SLC5A6: variants seen among roughly 807,000 people sequenced by gnomAD.
SLC5A6 encodes the protein solute carrier family 5 member 6, also known as sodium-dependent multivitamin transporter.
In SLC5A6, 31 loss-of-function variants were observed where a neutral mutation model predicts 67.9. The observed-to-expected ratio is 0.46, with a 90% CI of 0.34 to 0.62. The LOEUF (loss-of-function observed/expected upper bound fraction) is 0.62, where lower values mean the gene tolerates loss of function less well. SLC5A6 is among the 20% of genes least tolerant of loss of function. SLC5A6 has a pLI of 0.01. For missense variants in SLC5A6, 673 were observed against 812.8 expected (o/e 0.83, Z 2.09); for synonymous variants, 343 against 331.0 (o/e 1.04, Z -0.39).
chr2:27,202,176 T>C (rs1179136061), intron 12 of SLC5A6, 102 bp from the exon 13 acceptor site: 2 of 815,356 alleles, frequency 2.5e-6, no homozygotes, highest in African/African-American at 1.7e-5. Flanking sequence ...GGAGCCCCAC[T>C]TGTCAGATCT....
upstream of SLC5A6, chr2:27,212,385 CG>C: frequency 6.4e-7 from 1 of 1,550,684 alleles, no homozygotes; most frequent in Non-Finnish European, 8.7e-7. Context: ...CCTCACGACC[CG>C]GGTAGTCTTA....
At position 27,207,979 on chromosome 2, in the gene SLC5A6, G is replaced by C. The variant is rs145891672; in HGVS notation, c.-140-189C>G. ...AGAAGCATCAGAGTGCGACAGCCAG[G>C]AGACAATATAACTTGGCCAGGACCT... On this transcript the variant is annotated intron_variant, in intron 2 of 16. Coordinates refer to ENST00000310574, the MANE Select transcript of SLC5A6 (RefSeq NM_021095.4). This position sits in a 1 kb window ranked among gnomAD's most constrained non-coding sequence, Gnocchi z 5.5. Among the ~76,000 whole-genome samples the C allele has an allele frequency of 2.6e-5, 4 of 152,316 alleles. No individual in the cohort carries two copies. The highest frequency in any genetic ancestry group is 3.4e-3 in the Middle Eastern group (1 of 294).
Position 27,207,213 on chromosome 2 carries a change from C to A in SLC5A6, c.393+45G>T, listed in dbSNP as rs779016865. 2 of 1,597,556 alleles carry A rather than the reference C, an allele frequency of 1.3e-6. No individual in the cohort carries two copies. The highest frequency in any genetic ancestry group is 1.3e-5 in the African/African-American group (1 of 74,856). On this transcript the variant is annotated intron_variant, in intron 3 of 16. Transcript: ENST00000310574. This position sits in a 1 kb window ranked among gnomAD's most constrained non-coding sequence, Gnocchi z 5.5. ...CCTATGTGCCTGTCCCTCCTCTCCA[C>A]CCCAACCCGTGTCCCACGCACTTCT...
chr2:27,212,516 C>G (rs376508461), upstream of SLC5A6: 2 of 1,511,742 alleles, frequency 1.3e-6, no homozygotes, highest in Admixed American at 2.4e-5. Flanking sequence ...GCTGGCCAGC[C>G]GTGCGTCGCG....
chr2:27,202,815 G>C lies in SLC5A6; in HGVS notation c.1273C>G (p.Gln425Glu). Residue 425 changes from glutamine (Q) to glutamate (E), a missense_variant and splice_region_variant, in exon 12 of 17, where the codon CAG (glutamine) becomes GAG (glutamate). Transcript: ENST00000310574. ...YISSQMGPVL[Q>E]AAISIFGMVG... ...TTCCTACCCTCTATAGTTATTACCT[G>C]CAGCACAGGTCCCATCTGGGAGGAA... The C allele has an allele frequency of 6.2e-7, 1 of 1,613,052 alleles. No individual in the cohort carries two copies. Among genetic ancestry groups the C allele is most frequent in the Non-Finnish European group, 8.5e-7 (1 of 1,179,204 alleles).
In SLC5A6 at chr2:27,207,809, T is replaced by C. The variant is rs1400431876; in HGVS notation, c.-140-19A>G. On this transcript the variant is annotated intron_variant, in intron 2 of 16. Transcript: ENST00000310574. This position sits in a 1 kb window ranked among gnomAD's most constrained non-coding sequence, Gnocchi z 5.5. Reference sequence around the variant, plus strand: ...GGGTGAGCTGCAAAGGAATTAGCTCTTAGTGAGGCCTATCTGGCCTTGGTA... The same window carrying C: ...GGGTGAGCTGCAAAGGAATTAGCTCCTAGTGAGGCCTATCTGGCCTTGGTA... 1.6e-5 allele frequency: 11 copies of C among 679,226 alleles called. No individual in the cohort carries two copies. The highest frequency in any genetic ancestry group is 2.5e-5 in the Non-Finnish European group (10 of 407,150). 42.1% of individuals were successfully genotyped at this position (679,226 alleles called of 1,614,324 possible).
In SLC5A6 at chr2:27,206,477, C is replaced by T. The variant is rs1179657219; in HGVS notation, c.511+6G>A. ...GCTGAAAGCCAGGGGCTGTGTGACT[C>T]CTCACCTGCATTGAGAGCCAATGAC... On this transcript the variant is annotated splice_donor_region_variant and intron_variant, in intron 5 of 16. Coordinates refer to ENST00000310574, the MANE Select transcript of SLC5A6 (RefSeq NM_021095.4). 1.9e-6 allele frequency: 3 copies of T among 1,613,968 alleles called. No homozygotes were observed. The highest frequency in any genetic ancestry group is 1.7e-5 in the Admixed American group (1 of 60,034).
At chr2:27,210,438 C>CT (rs1192063285) in intron 2 of SLC5A6, among the ~76,000 whole-genome samples, 54 of 148,558 alleles carry the variant, frequency 3.6e-4, no homozygotes, top group Admixed American at 2.2e-3. Flanking sequence ...ACCCCCCCCC[C>CT]TTTTTTTTTG....
chr2:27,201,891 A>G, intron 13 of SLC5A6, 44 bp from the exon 14 acceptor site: 1 of 1,610,914 alleles, frequency 6.2e-7, no homozygotes. Context: ...CAGTCCTGCC[A>G]GCCCTCACGG....
rs1318796588 is a variant in SLC5A6 at position 27,212,267 on chromosome 2, C to T, written c.-455G>A. The T allele has an allele frequency of 1.3e-6, 2 of 1,557,048 alleles. No homozygotes were observed. The highest frequency in any genetic ancestry group is 1.7e-6 in the Non-Finnish European group (2 of 1,150,774). ...CCCAAGCAGCCCCAGGGCGACTGGA[C>T]CGGGCCGCTTAGGCCACGCCCGGGG... On this transcript the variant is annotated 5_prime_UTR_variant, in exon 1 of 17. Coordinates refer to ENST00000310574, the MANE Select transcript of SLC5A6 (RefSeq NM_021095.4).
chr2:27,202,755 T>C, intron 12 of SLC5A6, 58 bp downstream of exon 12: 1 of 1,463,134 alleles, frequency 6.8e-7, no homozygotes, highest in Non-Finnish European at 9.6e-7. Context: ...CTCAACTTCC[T>C]GTTTCAATCA....
At position 27,200,499 on chromosome 2, in the gene SLC5A6, G is replaced by A. The variant is rs961094249; in HGVS notation, c.1845C>T (p.Ala615=). ...TCCCCTGATAGGCTGTGCCATCCAGGGCCATGGCCTCCTTGTCTCTGCTGT... is the reference window on the plus strand; with the variant it reads ...TCCCCTGATAGGCTGTGCCATCCAGAGCCATGGCCTCCTTGTCTCTGCTGT... ...LGDSRDKEAM[A]LDGTAYQGSS... Residue 615 remains alanine, a synonymous_variant, in exon 17 of 17, where the codon GCC becomes GCT. Transcript: ENST00000310574. 1.2e-6 allele frequency: 2 copies of A among 1,614,064 alleles called. No individual in the cohort carries two copies. The highest frequency in any genetic ancestry group is 1.7e-5 in the Admixed American group (1 of 60,016).
chr2:27,206,850 C>T (rs374171022), intron 4 of SLC5A6, 27 bp downstream of exon 4: 1 of 1,581,548 alleles, frequency 6.3e-7, no homozygotes. Flanking sequence ...ATGCCCTAGG[C>T]TCGGTTTCTA....
chr2:27,201,405 A>C lies in SLC5A6; in HGVS notation c.1593T>G (p.Ser531Arg), dbSNP rs1205604411. The change falls in exon 15 of 17, where the codon AGT becomes AGG. Residue 531 changes from serine to arginine, a missense_variant. Transcript: ENST00000310574. Reference sequence around the variant, plus strand: ...CAATCACTGTGGTGGAGTTGTGAGCACTGTACCATAAGTAAGACAAGGAAT... The same window carrying C: ...CAATCACTGTGGTGGAGTTGTGAGCCCTGTACCATAAGTAAGACAAGGAAT... Reference protein sequence around the residue: ...RFYSLSYLWYSAHNSTTVIVV... With the variant: ...RFYSLSYLWYRAHNSTTVIVV... 6.2e-7 allele frequency: 1 copy of C among 1,613,796 alleles called. No homozygotes were observed. The highest frequency in any genetic ancestry group is 2.2e-5 in the East Asian group (1 of 44,876).
At position 27,204,843 on chromosome 2, in the gene SLC5A6, G is replaced by T. The variant is rs974828372; in HGVS notation, c.823C>A (p.Gln275Lys). The T allele has an allele frequency of 6.2e-7, 1 of 1,614,012 alleles. No individual in the cohort carries two copies. The highest frequency in any genetic ancestry group is 1.3e-5 in the African/African-American group (1 of 74,914). Residue 275 changes from glutamine to lysine, a missense_variant, in exon 8 of 17, where the codon CAG becomes AAG. Transcript: ENST00000310574. The stretch of plus-strand genomic sequence containing the variant: ...CTGAGGTACCGCTGCACCTGAGCCT[G>T]GTTCACCCCGTATAAGGAGAGCATC... ...FMMLSLYGVNQAQVQRYLSSR... is the reference protein window; with the variant it reads ...FMMLSLYGVNKAQVQRYLSSR...
Position 27,202,027 on chromosome 2 carries a change from G to T in SLC5A6, c.1323C>A (p.Leu441=). ...FGMVGGPLLG[L]FCLGMFFPCA... is the part of the protein sequence containing the mutation. Reference sequence around the variant, plus strand: ...ATGGAAAGAACATTCCAAGGCAGAAGAGTCCCAGCAGCGGTCCCCCAACCA... The same window carrying T: ...ATGGAAAGAACATTCCAAGGCAGAATAGTCCCAGCAGCGGTCCCCCAACCA... Residue 441 remains leucine (L), a synonymous_variant, in exon 13 of 17, where the codon CTC becomes CTA. Coordinates refer to ENST00000310574, the MANE Select transcript of SLC5A6 (RefSeq NM_021095.4). The T allele has an allele frequency of 6.2e-7, 1 of 1,614,160 alleles. No individual in the cohort carries two copies. The highest frequency in any genetic ancestry group is 8.5e-7 in the Non-Finnish European group (1 of 1,179,988).
chr2:27,205,152 T>C, intron 7 of SLC5A6, 198 bp downstream of exon 7: 2 of 705,406 alleles, frequency 2.8e-6, no homozygotes, highest in Non-Finnish European at 2.3e-6. Context: ...TCATCCCAGG[T>C]AATGTCCTGA....
chr2:27,206,793 G>A, intron 4 of SLC5A6, 84 bp downstream of exon 4: 2 of 1,111,538 alleles, frequency 1.8e-6, no homozygotes, highest in South Asian at 1.2e-5. Flanking sequence ...TCTGAGAGCA[G>A]GGGAGACTCC....
intron 15 of SLC5A6, 94 bp downstream of exon 15, chr2:27,201,256 G>T: frequency 2.1e-6 from 2 of 972,068 alleles, no homozygotes; most frequent in East Asian, 5.1e-5. Context: ...GGACACCCAA[G>T]AGCTCAGAGG....
Sources: allele counts gnomAD v4.1 joint callset (sites outside exome capture counted in the v4.1 genomes callset), GRCh38; gene constraint gnomAD v4.1.1; non-coding constraint Gnocchi (gnomAD v3.1); transcripts MANE v1.5; gene names NCBI Gene and HGNC (gene_info 2026-07-23, HGNC 2026-07-21).